TEX14: variants seen among roughly 807,000 people sequenced by gnomAD.
TEX14 encodes inactive serine/threonine-protein kinase TEX14.
A neutral mutation model predicts 178.6 loss-of-function variants in TEX14; 168 were observed. The ratio of observed to expected loss-of-function variants is 0.94; its 90% CI spans 0.83 to 1.07. The LOEUF (loss-of-function observed/expected upper bound fraction) is 1.07, where lower values mean the gene tolerates loss of function less well. Among genes scored for constraint, TEX14 ranks in the 50% least tolerant of loss-of-function variants. The probability of loss-of-function intolerance (pLI) is 0.00; values close to 1 mark genes in which losing one functional copy is unlikely to be tolerated. For synonymous variants in TEX14, 626 were observed against 634.1 expected (o/e 0.99, Z 0.19); for missense variants, 1,730 against 1,753.6 (o/e 0.99, Z 0.24).
intron 14 of TEX14, among the ~76,000 whole-genome samples, chr17:58,594,756 A>C (rs968299296): frequency 2.0e-5 from 3 of 152,232 alleles, no homozygotes; most frequent in African/African-American, 4.8e-5. Flanking sequence ...ATAAAACAGA[A>C]TACAATAAAG....
chr17:58,559,516 T>C lies in TEX14; in HGVS notation c.4204A>G (p.Arg1402Gly). 1 of 1,576,370 alleles carries C rather than the reference T, an allele frequency of 6.3e-7. No homozygotes were observed. The highest frequency in any genetic ancestry group is 8.7e-7 in the Non-Finnish European group (1 of 1,147,192). Residue 1402 changes from arginine to glycine, a missense_variant, in exon 30 of 32, where the codon AGG (arginine) becomes GGG (glycine). By Grantham distance (125) the Arg-to-Gly change is moderately radical (BLOSUM62 -2). Coordinates refer to ENST00000349033, the MANE Select transcript of TEX14 (RefSeq NM_031272.5). Reference sequence around the variant, plus strand: ...CTTTCTGGTGTAATGCTATCTTCCCTTTTTCTTTTCTCTTCACCAACTTTT... The same window carrying C: ...CTTTCTGGTGTAATGCTATCTTCCCCTTTTCTTTTCTCTTCACCAACTTTT... ...DQKVGEEKRK[R>G]EDSITPERRK...
At chr17:58,640,158 A>C (rs1453998400) in intron 2 of TEX14, among the ~76,000 whole-genome samples, 1 of 151,906 alleles carries the variant, frequency 6.6e-6, no homozygotes, top group African/African-American at 2.4e-5. Context: ...TAAAAATACA[A>C]AAATTAGCCA....
chr17:58,557,027 C>T lies in TEX14; in HGVS notation c.4340G>A (p.Ser1447Asn), dbSNP rs2044149469. The change falls in exon 32 of 32, where the codon AGT becomes AAT. Residue 1447 changes from serine to asparagine, a missense_variant. Ser to Asn is a conservative substitution (Grantham distance 46). This residue lies in a region of TEX14 where 941 missense variants were observed against 1,072.4 expected (regional missense o/e 0.88). Transcript: ENST00000349033. ...CAATTCCAATCAGTCTGACAAGTCA[C>T]TCTGATCCAGCACGATTATCCTATG... ...ESSRIIVLDQ[S>N]DLSD 1 of 1,613,822 alleles carries T rather than the reference C, an allele frequency of 6.2e-7. No homozygotes were observed.
At chr17:58,665,784 G>A (rs368084290) in intron 1 of TEX14, among the ~76,000 whole-genome samples, 6 of 151,914 alleles carry the variant, frequency 3.9e-5, no homozygotes, top group Admixed American at 6.6e-5. Context: ...GGTGGCTCAC[G>A]CCTATAATCC....
chr17:58,647,164 T>C (rs1030004925), intron 2 of TEX14, among the ~76,000 whole-genome samples: 1 of 151,472 alleles, frequency 6.6e-6, no homozygotes. Flanking sequence ...CCTCCCAAAG[T>C]GCTGGGATTA....
rs757697957 is a variant in TEX14, at chr17:58,585,955, G to C, written c.2916C>G (p.Pro972=). 2 of 1,613,962 alleles carry C rather than the reference G, an allele frequency of 1.2e-6. No homozygotes were observed. Among genetic ancestry groups the C allele is most frequent in the Non-Finnish European group, 1.7e-6 (2 of 1,179,984 alleles). ...AATCCGTGTTTTCTGGGCTCCTAATGGGGGGCTGCAGCAGGGCGTCGGGCT... is the reference window on the plus strand; with the variant it reads ...AATCCGTGTTTTCTGGGCTCCTAATCGGGGGCTGCAGCAGGGCGTCGGGCT... ...ENEPDALLQP[P]IRSPENTDWQ... Residue 972 remains proline, a synonymous_variant, in exon 18 of 32, where the codon CCC becomes CCG. Transcript: ENST00000349033.
rs1169811140 is a variant in TEX14 at position 58,674,839 on chromosome 17, GA to G, written c.-2+17099del. On this transcript the variant is annotated intron_variant, in intron 1 of 31. Transcript: ENST00000349033. ...AGATTTATCTTCGATGAGGCCTTTG[GA>G]AAAAAAAAAAAAAAGGCAGGTAGGC... 4.6e-3 allele frequency among the ~76,000 whole-genome samples: 567 copies of G among 123,362 alleles called. 3 individuals are homozygous for G. The highest frequency in any genetic ancestry group is 0.013 in the African/African-American group (445 of 34,016). 80.9% of individuals were successfully genotyped at this position (123,362 alleles called of 152,430 possible).
chr17:58,561,462 A>C (rs2144327046), intron 29 of TEX14, 58 bp downstream of exon 29: 1 of 1,240,654 alleles, frequency 8.1e-7, no homozygotes, highest in Middle Eastern at 1.9e-4. Flanking sequence ...AAGAAGTCTA[A>C]AACCTAGCCC....
chr17:58,622,438 A>C (rs1227934811), intron 4 of TEX14, among the ~76,000 whole-genome samples: 2 of 137,734 alleles, frequency 1.5e-5, no homozygotes, highest in South Asian at 2.2e-4. Flanking sequence ...ACTCCTTCCC[A>C]AAAAAAAAAA....
Position 58,572,007 on chromosome 17 carries a change from C to A in TEX14, c.3631G>T (p.Asp1211Tyr), listed in dbSNP as rs948360612. 2 of 1,614,096 alleles carry A rather than the reference C, an allele frequency of 1.2e-6. No homozygotes were observed. The highest frequency in any genetic ancestry group is 1.7e-6 in the Non-Finnish European group (2 of 1,180,006). Residue 1211 changes from aspartate (D) to tyrosine (Y), a missense_variant, in exon 24 of 32, where the codon GAC becomes TAC. Transcript: ENST00000349033. The part of the protein sequence containing the change: ...SQEFIQTLSD[D>Y]FISVRERAKK... ...GCTCTCTCTCGGACACTTATAAAGT[C>A]ATCAGACAAAGTTTGAATAAATTCT...
chr17:58,588,042 G>C (rs1327325462), intron 15 of TEX14, 21 bp from the exon 16 acceptor site: 1 of 880,358 alleles, frequency 1.1e-6, no homozygotes, highest in Non-Finnish European at 1.9e-6. Context: ...AAAGGACTGA[G>C]CTATAAGATC....
chr17:58,617,455 G>A, intron 6 of TEX14, 83 bp downstream of exon 6: 1 of 956,936 alleles, frequency 1.0e-6, no homozygotes, highest in Admixed American at 1.9e-5. Flanking sequence ...TAAGGAGGCA[G>A]GAGTTGGACA....
intron 1 of TEX14, among the ~76,000 whole-genome samples, chr17:58,656,440 G>T (rs993624696): frequency 6.8e-6 from 1 of 147,680 alleles, no homozygotes; most frequent in Non-Finnish European, 1.5e-5. Context: ...GCAAGACTCT[G>T]TCTCAAAAAA....
chr17:58,585,257 CT>C (rs2044927009), intron 18 of TEX14, among the ~76,000 whole-genome samples: 1 of 152,084 alleles, frequency 6.6e-6, no homozygotes, highest in Non-Finnish European at 1.5e-5. Flanking sequence ...ACAAAGGGAC[CT>C]GTTTCAGTAA....
At chr17:58,686,505 G>A (rs2047594879) in intron 1 of TEX14, among the ~76,000 whole-genome samples, 1 of 152,276 alleles carries the variant, frequency 6.6e-6, no homozygotes, top group East Asian at 1.9e-4. Context: ...GGACGGCAGA[G>A]GGTCAGGGCT....
intron 5 of TEX14, among the ~76,000 whole-genome samples, chr17:58,620,816 T>C (rs1257488909): frequency 6.6e-6 from 1 of 151,774 alleles, no homozygotes; most frequent in African/African-American, 2.4e-5. Flanking sequence ...TAAAAGGTCA[T>C]TCTGGATGCT....
At chr17:58,633,171 T>A (rs2046361091) in intron 2 of TEX14, among the ~76,000 whole-genome samples, 1 of 152,178 alleles carries the variant, frequency 6.6e-6, no homozygotes, top group South Asian at 2.1e-4. Context: ...ACAGGGATTC[T>A]CCTCTCAACC....
intron 29 of TEX14, 37 bp downstream of exon 29, chr17:58,561,483 A>G: frequency 6.9e-7 from 1 of 1,443,000 alleles, no homozygotes; most frequent in Non-Finnish European, 9.7e-7. Flanking sequence ...CACTTCCTGA[A>G]AAAGAAGAAA....
intron 15 of TEX14, among the ~76,000 whole-genome samples, chr17:58,589,402 A>T (rs1167258291): frequency 1.3e-5 from 2 of 150,924 alleles, no homozygotes; most frequent in African/African-American, 2.4e-5. Flanking sequence ...ATCTCCTAAA[A>T]ATACAAAAAA....
Sources: allele counts gnomAD v4.1 joint callset (sites outside exome capture counted in the v4.1 genomes callset), GRCh38; gene constraint gnomAD v4.1.1; regional missense constraint gnomAD v4.1.1; transcripts MANE v1.5; gene names NCBI Gene and HGNC (gene_info 2026-07-23, HGNC 2026-07-21).